The following FBXO25 variants were observed in gnomAD, a reference collection of about 807,000 sequenced individuals.
The protein encoded by FBXO25 is F-box protein 25, also known as F-box only protein 25.
Under a neutral mutation model 51.9 loss-of-function variants are expected in FBXO25, and 45 were observed. That is an observed-to-expected ratio of 0.87 (90% CI 0.68 to 1.11). The LOEUF is 1.11. Among genes scored for constraint, FBXO25 ranks in the 50% most tolerant of loss-of-function variants. The pLI, the probability that FBXO25 is intolerant of heterozygous loss-of-function variation, is 0.00. For synonymous variants in FBXO25, 199 were observed against 151.0 expected, an observed-to-expected ratio of 1.32 and a Z score of -2.33; for missense variants, 507 against 428.5, an observed-to-expected ratio of 1.18 and a Z score of -1.62.
intron 7 of FBXO25, among the ~76,000 whole-genome samples, chr8:457,426 G>T (rs1799518169): frequency 6.6e-6 from 1 of 152,176 alleles, no homozygotes; most frequent in Non-Finnish European, 1.5e-5. Flanking sequence ...TCCTCAGCCT[G>T]GCACGTGCAC....
intron 9 of FBXO25, chr8:467,822 C>G: frequency 6.2e-7 from 1 of 1,604,226 alleles, no homozygotes; most frequent in Non-Finnish European, 8.5e-7. Context: ...TGCACGTCAT[C>G]TTGGCCACTG....
intron 5 of FBXO25, among the ~76,000 whole-genome samples, chr8:438,646 A>C (rs1259222083): frequency 6.6e-6 from 1 of 152,244 alleles, no homozygotes; most frequent in Non-Finnish European, 1.5e-5. Flanking sequence ...CTCTTCACTC[A>C]AGGCAGGAGG....
At chr8:463,173 G>T in intron 9 of FBXO25, 23 bp downstream of exon 9, 2 of 1,599,894 alleles carry the variant, frequency 1.3e-6, no homozygotes, top group Admixed American at 1.8e-5. Flanking sequence ...ATGCACTCTT[G>T]GAATTTCAGG....
chr8:431,624 A>T (rs2117615885), intron 3 of FBXO25, among the ~76,000 whole-genome samples, 180 bp downstream of exon 3: 1 of 152,344 alleles, frequency 6.6e-6, no homozygotes, highest in East Asian at 1.9e-4. Flanking sequence ...TTCAGTGGGT[A>T]AGATGTGCAA....
chr8:424,549 A>G (rs183714833), intron 2 of FBXO25, among the ~76,000 whole-genome samples: 271 of 152,312 alleles, frequency 1.8e-3, no homozygotes, highest in Admixed American at 3.5e-3. Flanking sequence ...ATATGCTGAA[A>G]GGTAGGGGTC....
At chr8:417,256 G>A (rs1239921497) in intron 2 of FBXO25, among the ~76,000 whole-genome samples, 2 of 152,210 alleles carry the variant, frequency 1.3e-5, no homozygotes, top group East Asian at 3.8e-4. Context: ...GAGTAGAAGA[G>A]TGATTTGTTC....
At chr8:431,016 C>T (rs548072472) in intron 2 of FBXO25, among the ~76,000 whole-genome samples, 161 of 152,196 alleles carry the variant, frequency 1.1e-3, no homozygotes, top group Admixed American at 3.1e-3. Context: ...CATATTCTTA[C>T]CATCTTTTTT....
intron 1 of FBXO25, among the ~76,000 whole-genome samples, chr8:411,630 A>C (rs1156313181): frequency 6.6e-6 from 1 of 152,144 alleles, no homozygotes; most frequent in Non-Finnish European, 1.5e-5. Flanking sequence ...AAGGTAATGG[A>C]ATACGGACCT....
Position 477,060 on chromosome 8 carries a change from G to A in FBXO25, c.*8256G>A, listed in dbSNP as rs760106110. 6.6e-6 allele frequency: 1 copy of A among 152,138 alleles called. No homozygotes were observed. Among genetic ancestry groups the A allele is most frequent in the African/African-American group, 2.4e-5 (1 of 41,410 alleles). The allele number at this position is 152,138 out of a possible 1,614,324, so 9.4% of individuals were successfully genotyped here. On this transcript the variant is annotated 3_prime_UTR_variant, in exon 10 of 10. Coordinates refer to ENST00000350302, the MANE Select transcript of FBXO25 (RefSeq NM_183420.2). The stretch of plus-strand genomic sequence containing the variant: ...TTCCCCATTAATCTGCTGGTTGAGA[G>A]CGTTGTTTAATTTTCACATAATTGT...
intron 2 of FBXO25, among the ~76,000 whole-genome samples, chr8:425,333 C>A (rs1797407137): frequency 6.6e-6 from 1 of 151,544 alleles, no homozygotes; most frequent in Non-Finnish European, 1.5e-5. Flanking sequence ...ACATTTTTCT[C>A]TCTATCCCTT....
intron 2 of FBXO25, among the ~76,000 whole-genome samples, chr8:428,820 C>G (rs1426139902): frequency 6.6e-6 from 1 of 152,184 alleles, no homozygotes; most frequent in African/African-American, 2.4e-5. Flanking sequence ...ACTGTCTTAT[C>G]TCAGCGTAAC....
chr8:467,920 A>C (rs1032430280), intron 9 of FBXO25: 7 of 1,462,022 alleles, frequency 4.8e-6, no homozygotes, highest in Non-Finnish European at 6.3e-6. Context: ...CACCTCAGCA[A>C]GGACGAGAGT....
intron 2 of FBXO25, among the ~76,000 whole-genome samples, chr8:427,491 A>G (rs1461515544): frequency 6.6e-6 from 1 of 151,536 alleles, no homozygotes; most frequent in East Asian, 1.9e-4. Flanking sequence ...ATCAATATCA[A>G]ACTGAAGTAA....
intron 5 of FBXO25, 74 bp downstream of exon 5, chr8:435,781 A>G (rs1201626266): frequency 1.5e-5 from 23 of 1,540,048 alleles, no homozygotes; most frequent in Middle Eastern, 2.4e-4. Context: ...TAAGTGTACA[A>G]CGTTGAAGAT....
intron 7 of FBXO25, among the ~76,000 whole-genome samples, chr8:456,663 T>C: frequency 6.6e-6 from 1 of 152,166 alleles, no homozygotes; most frequent in East Asian, 1.9e-4. Context: ...AAGCTTCATG[T>C]CCAGAATGTT....
At chr8:408,616 A>G (rs1217043001) in intron 1 of FBXO25, among the ~76,000 whole-genome samples, 1 of 152,274 alleles carries the variant, frequency 6.6e-6, no homozygotes, top group Non-Finnish European at 1.5e-5. Flanking sequence ...GGTAAGCTCT[A>G]ATAAATGTTT....
intron 3 of FBXO25, among the ~76,000 whole-genome samples, chr8:431,867 A>G (rs1797838083): frequency 6.6e-6 from 1 of 152,114 alleles, no homozygotes; most frequent in East Asian, 1.9e-4. Context: ...ATGTGAGGGC[A>G]TAGAGCTCTA....
chr8:436,626 A>G (rs1798118750), intron 5 of FBXO25, among the ~76,000 whole-genome samples: 1 of 152,124 alleles, frequency 6.6e-6, no homozygotes, highest in Non-Finnish European at 1.5e-5. Context: ...CCTCCTTTAG[A>G]TATTTACACA....
At chr8:465,346 C>G (rs532678637) in intron 9 of FBXO25, among the ~76,000 whole-genome samples, 1 of 152,300 alleles carries the variant, frequency 6.6e-6, no homozygotes, top group East Asian at 1.9e-4. Flanking sequence ...CTAAGAGTTA[C>G]TTGTCTTTTT....
Sources: allele counts gnomAD v4.1 joint callset (sites outside exome capture counted in the v4.1 genomes callset), GRCh38; gene constraint gnomAD v4.1.1; transcripts MANE v1.5; gene names NCBI Gene and HGNC (gene_info 2026-07-23, HGNC 2026-07-21).